Variants in DMD observed in about 807,000 individuals in gnomAD.
The protein encoded by DMD is dystrophin.
Under a neutral mutation model 330.1 loss-of-function variants are expected in DMD, and 63 were observed. That is an observed-to-expected ratio of 0.19 (90% CI 0.16 to 0.24). The LOEUF (loss-of-function observed/expected upper bound fraction) is 0.24, where lower values mean the gene tolerates loss of function less well. Ranked by LOEUF, DMD falls within the 10% of genes least tolerant of loss-of-function variation. The pLI is 1.00. For synonymous variants in DMD, 1,223 were observed against 959.8 expected, an observed-to-expected ratio of 1.27 and a Z score of -5.07; for missense variants, 3,344 against 2,684.1, an observed-to-expected ratio of 1.25 and a Z score of -5.43.
intron 55 of DMD, among the ~76,000 whole-genome samples, chrX:31,520,688 C>CT (rs766933264): frequency 2.7e-5 from 3 of 109,520 alleles, no homozygotes; most frequent in East Asian, 2.9e-4. Flanking sequence ...TTTTCTTCTT[C>CT]TTTTTTTTTG....
chrX:32,111,554 A>G (rs929310042), intron 44 of DMD, among the ~76,000 whole-genome samples: 1 of 112,016 alleles, frequency 8.9e-6, no homozygotes, highest in African/African-American at 3.2e-5. Context: ...TATTTGTGAT[A>G]CACCAGGTTC....
chrX:32,668,690 G>A (rs367611480), intron 9 of DMD, among the ~76,000 whole-genome samples: 1 of 110,620 alleles, frequency 9.0e-6, no homozygotes, highest in South Asian at 3.8e-4. Context: ...AACTGTTCCA[G>A]TGATGTCATG....
chrX:32,840,267 T>C (rs1240129296), intron 4 of DMD, among the ~76,000 whole-genome samples: 2 of 112,167 alleles, frequency 1.8e-5, no homozygotes, highest in Admixed American at 9.5e-5. Flanking sequence ...GGAGGTTCTA[T>C]ATTTTCTGTA....
At chrX:31,618,924 C>A (rs751948700) in intron 55 of DMD, among the ~76,000 whole-genome samples, 2 of 110,696 alleles carry the variant, frequency 1.8e-5, no homozygotes, top group Admixed American at 9.6e-5. Context: ...CTTGTGGTCC[C>A]AAGTGTTTTG....
At chrX:31,381,477 T>C (rs970223574) in intron 60 of DMD, among the ~76,000 whole-genome samples, 6 of 111,716 alleles carry the variant, frequency 5.4e-5, no homozygotes, top group African/African-American at 1.6e-4. Flanking sequence ...CTGACGCATA[T>C]GCTTTCTGCT....
At chrX:32,107,433 G>A (rs959497855) in intron 44 of DMD, among the ~76,000 whole-genome samples, 1 of 107,143 alleles carries the variant, frequency 9.3e-6, no homozygotes, top group Non-Finnish European at 1.9e-5. Context: ...GGCAACTATG[G>A]AGACTGACAA....
At chrX:32,743,386 C>A (rs2069558474) in intron 7 of DMD, among the ~76,000 whole-genome samples, 2 of 111,373 alleles carry the variant, frequency 1.8e-5, no homozygotes. Flanking sequence ...TATTCCCTAG[C>A]ATCTCATCCC....
intron 2 of DMD, among the ~76,000 whole-genome samples, chrX:32,852,170 A>G (rs1367204994): frequency 9.0e-6 from 1 of 111,404 alleles, no homozygotes; most frequent in Non-Finnish European, 1.9e-5. Context: ...AGTAAAGATG[A>G]CATTGTCTTG....
chrX:32,127,569 C>T (rs1249176386), intron 44 of DMD, among the ~76,000 whole-genome samples: 2 of 111,470 alleles, frequency 1.8e-5, no homozygotes, highest in African/African-American at 6.5e-5. Context: ...ACAACCAAGT[C>T]GCCTCTGCAC....
At chrX:31,341,891 G>GCGCACGCACACA (rs374298104) in intron 61 of DMD, among the ~76,000 whole-genome samples, 1 of 98,876 alleles carries the variant, frequency 1.0e-5, no homozygotes, top group Non-Finnish European at 2.0e-5. Flanking sequence ...GTGCGCGCGC[G>GCGCACGCACACA]CACACACACA....
chrX:32,534,989 A>G (rs1217507776), intron 17 of DMD, among the ~76,000 whole-genome samples: 1 of 111,736 alleles, frequency 8.9e-6, no homozygotes, highest in Non-Finnish European at 1.9e-5. Flanking sequence ...AGAATAATAT[A>G]TAAATGTGGT....
intron 60 of DMD, among the ~76,000 whole-genome samples, chrX:31,350,632 TGAGA>T (rs372820688): frequency 0.23 from 15,406 of 66,558 alleles, 1,690 homozygotes; most frequent in Non-Finnish European, 0.28. Flanking sequence ...TGTGTGTGTG[TGAGA>T]GAGAGAGAGA....
intron 71 of DMD, 67 bp from the exon 72 acceptor site, chrX:31,173,671 G>T: frequency 1.0e-6 from 1 of 978,753 alleles, no homozygotes; most frequent in Non-Finnish European, 1.5e-6. Flanking sequence ...CCACCACACA[G>T]TTATGTTATA....
At chrX:32,618,358 G>A (rs1004216859) in intron 11 of DMD, among the ~76,000 whole-genome samples, 4 of 111,781 alleles carry the variant, frequency 3.6e-5, no homozygotes, top group African/African-American at 1.3e-4. Context: ...TATGTTCTTT[G>A]CAGAAACGTA....
rs943258943 is a variant in DMD at position 31,879,096 on chromosome X, A to G, written c.6913-3723T>C. ...TTTTACTGTACCTTTTATATTTTGA[A>G]CAATGTAAATGCATTACTGTATTAG... is the stretch of plus-strand genomic sequence containing the variant. On this transcript the variant is annotated intron_variant, in intron 47 of 78. Transcript: ENST00000357033. 8.1e-5 allele frequency among the ~76,000 whole-genome samples: 9 copies of G among 110,882 alleles called. 1 individual carries two copies. Among genetic ancestry groups the G allele is most frequent in the African/African-American group, 2.6e-4 (8 of 30,493 alleles).
intron 62 of DMD, among the ~76,000 whole-genome samples, chrX:31,279,992 G>T (rs1011104123): frequency 8.9e-6 from 1 of 112,434 alleles, no homozygotes; most frequent in Non-Finnish European, 1.9e-5. Context: ...TGACCTCAGT[G>T]TTAAGCCAGT....
intron 11 of DMD, among the ~76,000 whole-genome samples, chrX:32,617,812 T>A (rs538845392): frequency 9.0e-6 from 1 of 111,368 alleles, no homozygotes; most frequent in South Asian, 3.7e-4. Context: ...GAAAAATATT[T>A]GCAAACTATA....
At chrX:32,935,417 T>G (rs905467501) in intron 2 of DMD, among the ~76,000 whole-genome samples, 16 of 112,488 alleles carry the variant, frequency 1.4e-4, no homozygotes, top group African/African-American at 4.8e-4. Context: ...ATATGTACTA[T>G]CTGGCCCTTT....
At chrX:32,520,590 A>G (rs2046320922) in intron 17 of DMD, among the ~76,000 whole-genome samples, 1 of 111,778 alleles carries the variant, frequency 8.9e-6, no homozygotes, top group Non-Finnish European at 1.9e-5. Flanking sequence ...ATCCTGAAGT[A>G]TGATACACAG....
Sources: gnomAD v4.1 joint callset for allele counts (sites outside exome capture counted in the v4.1 genomes callset) on GRCh38, gnomAD v4.1.1 for gene constraint, MANE v1.5 for transcripts, NCBI Gene and HGNC (gene_info 2026-07-23, HGNC 2026-07-21) for gene names.